HACD3: variants seen among roughly 807,000 people sequenced by gnomAD.
HACD3 encodes very-long-chain (3R)-3-hydroxyacyl-CoA dehydratase 3.
HACD3 carries 30 observed loss-of-function variants against 55.2 expected under a neutral mutation model. The ratio of observed to expected loss-of-function variants is 0.54; its 90% CI spans 0.41 to 0.74. The LOEUF (loss-of-function observed/expected upper bound fraction) is 0.74, where lower values mean the gene tolerates loss of function less well. HACD3 is among the 30% of genes least tolerant of loss of function. The pLI is 0.00. For synonymous variants in HACD3, 141 were observed against 151.7 expected, an observed-to-expected ratio of 0.93 and a Z score of 0.52; for missense variants, 363 against 440.1, an observed-to-expected ratio of 0.82 and a Z score of 1.57.
intron 1 of HACD3, among the ~76,000 whole-genome samples, chr15:65,545,105 CCG>C (rs1491329774): frequency 1.3e-5 from 2 of 151,798 alleles, no homozygotes; most frequent in Non-Finnish European, 2.9e-5. Flanking sequence ...CAATGGTTGA[CCG>C]TACCATTGGA....
intron 2 of HACD3, among the ~76,000 whole-genome samples, chr15:65,552,640 T>TTTTTTG (rs950854514): frequency 1.3e-5 from 2 of 152,008 alleles, no homozygotes; most frequent in East Asian, 1.9e-4. Context: ...CTGTTTTTTG[T>TTTTTTG]TTTTTGTTTT....
At chr15:65,557,358 G>A (rs961856772) in intron 4 of HACD3, among the ~76,000 whole-genome samples, 4 of 151,974 alleles carry the variant, frequency 2.6e-5, no homozygotes, top group South Asian at 2.1e-4. Flanking sequence ...GCCTGTAGTC[G>A]GAGCTGCTCA....
intron 2 of HACD3, among the ~76,000 whole-genome samples, chr15:65,552,461 G>A (rs998459852): frequency 2.6e-5 from 4 of 151,974 alleles, no homozygotes; most frequent in African/African-American, 2.4e-5. Context: ...TCAGTCTCCC[G>A]AGTAGCTGGG....
intron 1 of HACD3, among the ~76,000 whole-genome samples, chr15:65,541,263 T>G (rs1226198389): frequency 6.6e-6 from 1 of 152,170 alleles, no homozygotes; most frequent in Non-Finnish European, 1.5e-5. Context: ...CTATTTTATT[T>G]TTTTCCCTCA....
rs769077507 is a variant in HACD3 at position 65,571,561 on chromosome 15, A to G, written c.787A>G (p.Met263Val). Residue 263 changes from methionine to valine, a missense_variant, in exon 9 of 11, where the codon ATG becomes GTG. Coordinates refer to ENST00000261875, the MANE Select transcript of HACD3 (RefSeq NM_016395.4). ...TATTTTCAATAGGTACTCTTTCTACATGCTGACGTGCATTGACATGGATTG... is the reference window on the plus strand; with the variant it reads ...TATTTTCAATAGGTACTCTTTCTACGTGCTGACGTGCATTGACATGGATTG... ...AIEIFRYSFYMLTCIDMDWKV... is the reference protein window; with the variant it reads ...AIEIFRYSFYVLTCIDMDWKV... 6 of 1,613,192 alleles carry G rather than the reference A, an allele frequency of 3.7e-6. No individual in the cohort carries two copies. In the African/African-American group the frequency reaches 4.0e-5, roughly 11 times the overall value.
rs2072029130 is a variant in HACD3, at chr15:65,542,319, A to G, written c.88-9357A>G. 2.0e-5 allele frequency among the ~76,000 whole-genome samples: 3 copies of G among 151,046 alleles called. No individual in the cohort carries two copies. In the South Asian group the frequency reaches 6.3e-4, roughly 32 times the overall value. On this transcript the variant is annotated intron_variant, in intron 1 of 10. Transcript: ENST00000261875. ...CACTCTGTCACCCAGGCTGGAGTGC[A>G]GTGGTGTGATCCTGGCTCACTGCAG...
chr15:65,550,451 A>G lies in HACD3; in HGVS notation c.88-1225A>G, dbSNP rs147714707. On this transcript the variant is annotated intron_variant, in intron 1 of 10. Transcript: ENST00000261875. ...ATTCCAAGAAATAAAGACAGTTTCT[A>G]TAAAAGAGATAGAAAACCTGGATAG... 7.9e-5 allele frequency among the ~76,000 whole-genome samples: 12 copies of G among 152,350 alleles called. No homozygotes were observed. The East Asian group carries it at 2.3e-3, about 29-fold the overall frequency.
chr15:65,543,898 G>A (rs1230346504), intron 1 of HACD3, among the ~76,000 whole-genome samples: 3 of 152,130 alleles, frequency 2.0e-5, no homozygotes, highest in Admixed American at 1.3e-4. Context: ...GTGAGTCGGC[G>A]GGGCGTGGTG....
intron 7 of HACD3, 73 bp downstream of exon 7, chr15:65,564,415 C>T (rs535305372): frequency 4.6e-5 from 70 of 1,522,200 alleles, no homozygotes; most frequent in Non-Finnish European, 6.1e-5. Context: ...GTGTATTAGT[C>T]CATTTTCATG....
At chr15:65,558,616 G>A in intron 4 of HACD3, 64 bp from the exon 5 acceptor site, 1 of 1,476,190 alleles carries the variant, frequency 6.8e-7, no homozygotes, top group Non-Finnish European at 9.3e-7. Context: ...GCCAGCATAT[G>A]GACTTTTGCA....
intron 1 of HACD3, among the ~76,000 whole-genome samples, chr15:65,533,423 C>T (rs939417130): frequency 6.6e-6 from 1 of 152,168 alleles, no homozygotes; most frequent in Non-Finnish European, 1.5e-5. Context: ...ACTGTAATTG[C>T]TACAGGAGTA....
At position 65,554,964 on chromosome 15, in the gene HACD3, T is replaced by C; in HGVS notation, c.204+4T>C. 1.9e-6 allele frequency: 3 copies of C among 1,594,494 alleles called. No individual in the cohort carries two copies. Among genetic ancestry groups the C allele is most frequent in the South Asian group, 2.2e-5 (2 of 90,534 alleles). ...CTTAGACCTTGTGAAACCAGAGGTATGTTCTTTCCTTTCTCACTTCCCTTC... is the reference window on the plus strand; with the variant it reads ...CTTAGACCTTGTGAAACCAGAGGTACGTTCTTTCCTTTCTCACTTCCCTTC... On this transcript the variant is annotated splice_donor_region_variant and intron_variant, in intron 3 of 10. Transcript: ENST00000261875.
At chr15:65,575,952 G>A (rs2072396573) in intron 10 of HACD3, among the ~76,000 whole-genome samples, 1 of 152,152 alleles carries the variant, frequency 6.6e-6, no homozygotes, top group Non-Finnish European at 1.5e-5. Flanking sequence ...AAATTAGCCA[G>A]GCATGGTGGT....
chr15:65,542,468 T>G (rs192102693), intron 1 of HACD3, among the ~76,000 whole-genome samples: 1 of 151,988 alleles, frequency 6.6e-6, no homozygotes, highest in Non-Finnish European at 1.5e-5. Flanking sequence ...TTCACCATGT[T>G]GCCCAGGCTG....
At chr15:65,537,313 A>G (rs981905575) in intron 1 of HACD3, among the ~76,000 whole-genome samples, 1 of 152,194 alleles carries the variant, frequency 6.6e-6, no homozygotes, top group Non-Finnish European at 1.5e-5. Context: ...CAGATTTTCA[A>G]TGTAACAGCC....
At chr15:65,552,405 G>A (rs535100147) in intron 2 of HACD3, among the ~76,000 whole-genome samples, 3 of 152,114 alleles carry the variant, frequency 2.0e-5, no homozygotes, top group East Asian at 1.9e-4. Context: ...GCATGATTTC[G>A]GCTCACTGCA....
In HACD3 at chr15:65,578,283, A is replaced by T. The variant is rs989608775; in HGVS notation, c.*1904A>T. ...TTCTGTATTCTTAGTGATTGTTACA[A>T]ACCCCTTTATTGCTGTCTGAGAAAG... is the stretch of plus-strand genomic sequence containing the variant. On this transcript the variant is annotated 3_prime_UTR_variant, in exon 11 of 11. Coordinates refer to ENST00000261875, the MANE Select transcript of HACD3 (RefSeq NM_016395.4). 1 of 152,214 alleles carries T rather than the reference A, an allele frequency of 6.6e-6. No homozygotes were observed. The highest frequency in any genetic ancestry group is 2.4e-5 in the African/African-American group (1 of 41,454). 9.4% of individuals were successfully genotyped at this position (152,214 alleles called of 1,614,324 possible). A position where few individuals can be genotyped will look rare whatever the true frequency, so the allele number is the denominator to read the frequency against.
At chr15:65,562,908 A>C in intron 6 of HACD3, 24 bp downstream of exon 6, 1 of 1,611,634 alleles carries the variant, frequency 6.2e-7, no homozygotes, top group South Asian at 1.1e-5. Flanking sequence ...TTTTGGATTA[A>C]TTTTCCCTTT....
At position 65,576,707 on chromosome 15, in the gene HACD3, C is replaced by A. The variant is rs189233960; in HGVS notation, c.*328C>A. 5.7e-3 allele frequency: 1,563 copies of A among 272,274 alleles called. 18 individuals are homozygous for A. The highest frequency in any genetic ancestry group is 0.037 in the South Asian group (629 of 16,886). The allele number at this position is 272,274 out of a possible 1,614,324, so 16.9% of individuals were successfully genotyped here. A position where few individuals can be genotyped will look rare whatever the true frequency, so the allele number is the denominator to read the frequency against. ...TTTTTCAAAAAGTGCTTTATCCCTA[C>A]AATGTACTGACAGTTCTTACAGTTG... On this transcript the variant is annotated 3_prime_UTR_variant, in exon 11 of 11. Coordinates refer to ENST00000261875, the MANE Select transcript of HACD3 (RefSeq NM_016395.4).
Sources: gnomAD v4.1 joint callset for allele counts (sites outside exome capture counted in the v4.1 genomes callset) on GRCh38, gnomAD v4.1.1 for gene constraint, MANE v1.5 for transcripts, NCBI Gene and HGNC (gene_info 2026-07-23, HGNC 2026-07-21) for gene names.